Variants in KALRN observed in about 807,000 individuals in gnomAD.
The protein encoded by KALRN is kalirin.
A neutral mutation model predicts 353.7 loss-of-function variants in KALRN; 70 were observed. The ratio of observed to expected loss-of-function variants is 0.20; its 90% CI spans 0.16 to 0.24. The LOEUF is 0.24. Ranked by LOEUF, KALRN falls within the 10% of genes least tolerant of loss-of-function variation. The pLI, the probability that KALRN is intolerant of heterozygous loss-of-function variation, is 1.00. For missense variants in KALRN, 2,791 were observed against 3,756.7 expected (o/e 0.74, Z 6.72); for synonymous variants, 1,391 against 1,434.8 (o/e 0.97, Z 0.69).
chr3:124,094,807 G>A, intron 1 of KALRN: 1 of 1,603,780 alleles, frequency 6.2e-7, no homozygotes. Context: ...CTGCCGAGGG[G>A]ACTGGCTGTG....
chr3:124,060,480 A>AG, intron 1 of KALRN, among the ~76,000 whole-genome samples: 1 of 152,290 alleles, frequency 6.6e-6, no homozygotes, highest in Admixed American at 6.5e-5. Flanking sequence ...CAAGCCTCTT[A>AG]GGGGCCAGTG....
At chr3:124,496,004 TATATATATACAC>T (rs1490034340) in intron 32 of KALRN, among the ~76,000 whole-genome samples, 9 of 49,476 alleles carry the variant, frequency 1.8e-4, no homozygotes, top group Admixed American at 4.9e-4. Context: ...TATATATATA[TATATATATACAC>T]ACACATATAT....
At chr3:124,066,497 G>A (rs2042373705) in intron 1 of KALRN, among the ~76,000 whole-genome samples, 1 of 152,180 alleles carries the variant, frequency 6.6e-6, no homozygotes. Context: ...CTTTACAAAG[G>A]TGTGGGGAGG....
chr3:124,641,492 G>A (rs943473029), intron 37 of KALRN, among the ~76,000 whole-genome samples: 59 of 152,302 alleles, frequency 3.9e-4, no homozygotes, highest in African/African-American at 1.4e-3. Flanking sequence ...GGAATCAGAA[G>A]ACCTAGGATT....
chr3:124,046,544 A>G (rs2040489790), intron 1 of KALRN, among the ~76,000 whole-genome samples: 1 of 152,210 alleles, frequency 6.6e-6, no homozygotes, highest in Non-Finnish European at 1.5e-5. Flanking sequence ...GCATAAAAGA[A>G]TGATCTGTTC....
chr3:124,426,783 A>G (rs950118160), intron 15 of KALRN, among the ~76,000 whole-genome samples: 3 of 152,234 alleles, frequency 2.0e-5, no homozygotes, highest in Non-Finnish European at 4.4e-5. Flanking sequence ...GATAGCTACC[A>G]GGAAAATTAC....
chr3:124,312,489 G>A (rs1367957820), intron 6 of KALRN, among the ~76,000 whole-genome samples: 2 of 152,246 alleles, frequency 1.3e-5, no homozygotes, highest in South Asian at 2.1e-4. Flanking sequence ...TGGACAAATT[G>A]TATGGTATGT....
intron 1 of KALRN, among the ~76,000 whole-genome samples, chr3:124,044,676 T>C (rs1172996256): frequency 2.0e-5 from 3 of 152,044 alleles, no homozygotes; most frequent in African/African-American, 7.3e-5. Context: ...TATATTCATA[T>C]TGTGAATAGT....
chr3:124,248,217 A>G (rs1202348129), intron 3 of KALRN, among the ~76,000 whole-genome samples: 2 of 152,158 alleles, frequency 1.3e-5, no homozygotes, highest in East Asian at 3.9e-4. Context: ...GAATTCAATT[A>G]GACTGGAGGC....
At chr3:124,459,345 C>A (rs1372676818) in intron 23 of KALRN, among the ~76,000 whole-genome samples, 1 of 152,148 alleles carries the variant, frequency 6.6e-6, no homozygotes, top group Non-Finnish European at 1.5e-5. Flanking sequence ...AAACATTTTG[C>A]AAGAATCTGA....
chr3:124,204,297 T>G (rs1160778436), intron 1 of KALRN, among the ~76,000 whole-genome samples: 1 of 152,242 alleles, frequency 6.6e-6, no homozygotes, highest in Non-Finnish European at 1.5e-5. Context: ...AATCTAAATA[T>G]AAATGTAGAT....
chr3:124,389,721 T>C (rs1033426140), intron 11 of KALRN, among the ~76,000 whole-genome samples: 21 of 152,236 alleles, frequency 1.4e-4, no homozygotes, highest in African/African-American at 5.1e-4. Flanking sequence ...ATAAAAACTG[T>C]ATATCCAGTA....
chr3:124,444,797 C>CAAAAA lies in KALRN; in HGVS notation c.3314-1353_3314-1349dup, dbSNP rs11370484. 2.3e-4 allele frequency among the ~76,000 whole-genome samples: 23 copies of CAAAAA among 101,868 alleles called. 1 individual carries two copies. The highest frequency in any genetic ancestry group is 7.5e-4 in the African/African-American group (19 of 25,396). 66.8% of individuals were successfully genotyped at this position (101,868 alleles called of 152,430 possible). A position where few individuals can be genotyped will look rare whatever the true frequency, so the allele number is the denominator to read the frequency against. ...CTTGGGTGACAGAGCAAGACCCTGT[C>CAAAAA]AAAAAAAAAAAAAAAGAACAAGAAA... On this transcript the variant is annotated intron_variant, in intron 19 of 59. Coordinates refer to ENST00000682506, the MANE Select transcript of KALRN (RefSeq NM_001388419.1).
At chr3:124,422,064 T>C (rs9844624) in intron 14 of KALRN, among the ~76,000 whole-genome samples, 1 of 152,158 alleles carries the variant, frequency 6.6e-6, no homozygotes, top group African/African-American at 2.4e-5. Context: ...TAGAAAAACA[T>C]TGAGCAAACT....
chr3:124,402,557 A>G (rs1160879770), intron 13 of KALRN, among the ~76,000 whole-genome samples: 1 of 152,206 alleles, frequency 6.6e-6, no homozygotes, highest in African/African-American at 2.4e-5. Context: ...CAAGTTTTAT[A>G]CAATTAGGAT....
chr3:124,471,729 C>T (rs541533800), intron 25 of KALRN, among the ~76,000 whole-genome samples: 97 of 151,794 alleles, frequency 6.4e-4, no homozygotes, highest in Non-Finnish European at 1.3e-3. Context: ...TTTGGGAGGC[C>T]GAGGTGGGCG....
rs35522040 is a variant in KALRN at position 124,254,422 on chromosome 3, CAAAAAAAAAAAAA to C, written c.264-10060_264-10048del. On this transcript the variant is annotated intron_variant, in intron 3 of 59. Transcript: ENST00000682506. ...TCAAGTGTTCTATGCATCTATGAAGCAAAAAAAAAAAAAAAAAAAAAAAAAAAATTGTAGTTTT... is the reference window on the plus strand; with the variant it reads ...TCAAGTGTTCTATGCATCTATGAAGCAAAAAAAAAAAAAAATTGTAGTTTT... Among the ~76,000 whole-genome samples the C allele has an allele frequency of 3.1e-3, 370 of 121,258 alleles. 3 individuals carry two copies. The highest frequency in any genetic ancestry group is 5.1e-3 in the East Asian group (23 of 4,470). The allele number at this position is 121,258 out of a possible 152,430, so 79.5% of individuals were successfully genotyped here. A position where few individuals can be genotyped will look rare whatever the true frequency, so the allele number is the denominator to read the frequency against.
chr3:124,525,381 T>G (rs569160050), intron 33 of KALRN, among the ~76,000 whole-genome samples: 1 of 152,344 alleles, frequency 6.6e-6, no homozygotes, highest in Admixed American at 6.5e-5. Flanking sequence ...GCTTTATACC[T>G]AACATAATGT....
chr3:124,136,946 C>A (rs1023267047), intron 1 of KALRN, among the ~76,000 whole-genome samples: 1 of 152,096 alleles, frequency 6.6e-6, no homozygotes, highest in Non-Finnish European at 1.5e-5. Flanking sequence ...GGGAGCGAGG[C>A]CCTGAGCAGA....
Sources: allele counts gnomAD v4.1 joint callset (sites outside exome capture counted in the v4.1 genomes callset), GRCh38; gene constraint gnomAD v4.1.1; transcripts MANE v1.5; gene names NCBI Gene and HGNC (gene_info 2026-07-23, HGNC 2026-07-21).